ITPKB: variants seen among roughly 807,000 people sequenced by gnomAD.
ITPKB encodes inositol-trisphosphate 3-kinase B.
In ITPKB, 13 loss-of-function variants were observed where a neutral mutation model predicts 69.4. The observed-to-expected ratio is 0.19, with a 90% CI of 0.12 to 0.30. The LOEUF (loss-of-function observed/expected upper bound fraction) is 0.30, where lower values mean the gene tolerates loss of function less well. ITPKB is among the 10% of genes least tolerant of loss of function. The pLI is 1.00. For synonymous variants in ITPKB, 584 were observed against 513.7 expected (o/e 1.14, Z -1.85); for missense variants, 1,240 against 1,250.5 (o/e 0.99, Z 0.13).
chr1:226,633,001 G>A lies in ITPKB; in HGVS notation c.*1670C>T, dbSNP rs1055893246. 3 of 152,168 alleles carry A rather than the reference G, an allele frequency of 2.0e-5. No homozygotes were observed. Among genetic ancestry groups the A allele is most frequent in the African/African-American group, 7.2e-5 (3 of 41,432 alleles). 9.4% of individuals were successfully genotyped at this position (152,168 alleles called of 1,614,324 possible). On this transcript the variant is annotated 3_prime_UTR_variant, in exon 8 of 8. Coordinates refer to ENST00000429204, the MANE Select transcript of ITPKB (RefSeq NM_002221.4). ...CTTCCAGATCACATGCTGCCACGAG[G>A]TCTCTCGTGCTCCACCGGGCGCGTG... is the stretch of plus-strand genomic sequence containing the variant.
At chr1:226,714,031 C>CAG (rs1462052433) in intron 2 of ITPKB, among the ~76,000 whole-genome samples, 2 of 152,198 alleles carry the variant, frequency 1.3e-5, no homozygotes, top group Non-Finnish European at 2.9e-5. Context: ...AGGAGGCTCT[C>CAG]AGAGAGCAGA....
chr1:226,702,279 C>T (rs1278046258), intron 2 of ITPKB, among the ~76,000 whole-genome samples: 4 of 151,934 alleles, frequency 2.6e-5, no homozygotes, highest in African/African-American at 9.7e-5. Context: ...CGCCTATAAT[C>T]CCAGCTACTC....
chr1:226,735,585 C>G lies in ITPKB; in HGVS notation c.1874G>C (p.Arg625Pro). 1 of 1,582,612 alleles carries G rather than the reference C, an allele frequency of 6.3e-7. No individual in the cohort carries two copies. Residue 625 changes from arginine (R) to proline (P), a missense_variant, in exon 2 of 8, where the codon CGC becomes CCC. Coordinates refer to ENST00000429204, the MANE Select transcript of ITPKB (RefSeq NM_002221.4). ...GAAGGCTGAGTTGGGGTCCAGGGTG[C>G]GCTCAGGGTCACTGGAGATGTCCTC... is the stretch of plus-strand genomic sequence containing the variant. ...SEEDISSDPE[R>P]TLDPNSAFLH...
chr1:226,649,011 C>T (rs142329916), intron 2 of ITPKB, among the ~76,000 whole-genome samples: 66 of 152,312 alleles, frequency 4.3e-4, no homozygotes, highest in African/African-American at 1.3e-3. Context: ...CCAAGAGCAA[C>T]GACCCCTCCA....
chr1:226,707,672 G>C (rs1490146506), intron 2 of ITPKB: 2 of 1,024,306 alleles, frequency 2.0e-6, no homozygotes, highest in African/African-American at 3.5e-5. Context: ...GAAACATGTA[G>C]AGTCCCTCTT....
intron 2 of ITPKB, among the ~76,000 whole-genome samples, chr1:226,682,867 T>C (rs1310685278): frequency 6.6e-6 from 1 of 152,170 alleles, no homozygotes; most frequent in African/African-American, 2.4e-5. Context: ...TCTCTGCAAG[T>C]TGAGCCTCAG....
chr1:226,730,681 C>T (rs971286103), intron 2 of ITPKB, among the ~76,000 whole-genome samples: 1 of 152,102 alleles, frequency 6.6e-6, no homozygotes, highest in Non-Finnish European at 1.5e-5. Context: ...ATATAAAATT[C>T]TTTCCATTAA....
Position 226,737,053 on chromosome 1 carries a change from G to C in ITPKB, c.406C>G (p.Arg136Gly). ...EAKRKLRILQ[R>G]ELQNVQVNQK... ...TTCACCTGCACGTTCTGCAACTCGC[G>C]CTGCAAGATCCGCAGCTTCCTCTTG... Residue 136 changes from arginine to glycine, a missense_variant, in exon 2 of 8, where the codon CGC (arginine) becomes GGC (glycine). By Grantham distance (125) the Arg-to-Gly change is moderately radical. Coordinates refer to ENST00000429204, the MANE Select transcript of ITPKB (RefSeq NM_002221.4). The C allele has an allele frequency of 1.9e-6, 3 of 1,611,966 alleles. No individual in the cohort carries two copies. Among genetic ancestry groups the C allele is most frequent in the Non-Finnish European group, 2.5e-6 (3 of 1,179,930 alleles).
chr1:226,644,597 G>A (rs529608561), intron 4 of ITPKB, among the ~76,000 whole-genome samples: 5 of 152,328 alleles, frequency 3.3e-5, no homozygotes, highest in East Asian at 3.9e-4. Flanking sequence ...ACATGTCGGC[G>A]GGAGCCAGAG....
At chr1:226,662,595 A>G (rs1176941780) in intron 2 of ITPKB, among the ~76,000 whole-genome samples, 1 of 152,234 alleles carries the variant, frequency 6.6e-6, no homozygotes, top group Non-Finnish European at 1.5e-5. Flanking sequence ...GTTTCTGGGA[A>G]TGCAAAAAAG....
chr1:226,646,056 C>T (rs1251030947), intron 4 of ITPKB, among the ~76,000 whole-genome samples: 2 of 152,232 alleles, frequency 1.3e-5, no homozygotes, highest in Non-Finnish European at 2.9e-5. Context: ...CTCACACACA[C>T]ACCCCTCTTT....
intron 2 of ITPKB, among the ~76,000 whole-genome samples, chr1:226,711,970 C>T (rs1283628079): frequency 6.6e-6 from 1 of 152,198 alleles, no homozygotes; most frequent in African/African-American, 2.4e-5. Flanking sequence ...AAAGGCCTCC[C>T]TGCGGGGAAG....
intron 2 of ITPKB, among the ~76,000 whole-genome samples, chr1:226,698,765 T>C (rs1656561417): frequency 6.6e-6 from 1 of 152,244 alleles, no homozygotes; most frequent in Non-Finnish European, 1.5e-5. Context: ...AGCTCTGGAC[T>C]GGCTTCTCAT....
At position 226,637,697 on chromosome 1, in the gene ITPKB, G is replaced by C. The variant is rs771210436; in HGVS notation, c.2607C>G (p.Pro869=). Residue 869 remains proline, a synonymous_variant, in exon 7 of 8, where the codon CCC becomes CCG. Coordinates refer to ENST00000429204, the MANE Select transcript of ITPKB (RefSeq NM_002221.4). This position sits in a 1 kb window ranked among gnomAD's most constrained non-coding sequence, Gnocchi z 4.3. ...KAIRTTLEVS[P]FFKCHEVIGS... ...TATCTACCTCGTGGCACTTGAAGAA[G>C]GGAGAAACTTCTAGAGTGGTTCGAA... 2.5e-6 allele frequency: 4 copies of C among 1,613,802 alleles called. No homozygotes were observed. The East Asian group carries it at 8.9e-5, about 36-fold the overall frequency.
chr1:226,700,993 A>C (rs1558089664), intron 2 of ITPKB, among the ~76,000 whole-genome samples: 1 of 152,232 alleles, frequency 6.6e-6, no homozygotes, highest in Non-Finnish European at 1.5e-5. Context: ...CGGTGCCTTC[A>C]ATGAGAAACC....
intron 6 of ITPKB, among the ~76,000 whole-genome samples, chr1:226,639,119 A>G (rs1668898855): frequency 6.8e-6 from 1 of 147,248 alleles, no homozygotes; most frequent in Non-Finnish European, 1.5e-5. Flanking sequence ...GTGCAATGGC[A>G]AAATCTCAGC....
chr1:226,652,226 A>G (rs1211987761), intron 2 of ITPKB, among the ~76,000 whole-genome samples: 2 of 152,210 alleles, frequency 1.3e-5, no homozygotes, highest in Admixed American at 6.5e-5. Flanking sequence ...CTAGGAGCAG[A>G]GATGAACTAA....
At chr1:226,672,619 C>A (rs1228582000) in intron 2 of ITPKB, among the ~76,000 whole-genome samples, 4 of 152,210 alleles carry the variant, frequency 2.6e-5, no homozygotes, top group Non-Finnish European at 4.4e-5. Flanking sequence ...TCTTCTCACT[C>A]CCACTCTAAC....
At chr1:226,684,121 C>T (rs1656147888) in intron 2 of ITPKB, among the ~76,000 whole-genome samples, 1 of 152,112 alleles carries the variant, frequency 6.6e-6, no homozygotes, top group South Asian at 2.1e-4. Flanking sequence ...TCTCTCCCAC[C>T]AAGAATTCTC....
Sources: allele counts gnomAD v4.1 joint callset (sites outside exome capture counted in the v4.1 genomes callset), GRCh38; gene constraint gnomAD v4.1.1; non-coding constraint Gnocchi (gnomAD v3.1); transcripts MANE v1.5; gene names NCBI Gene and HGNC (gene_info 2026-07-23, HGNC 2026-07-21).